Variants in TAFA5 observed in about 807,000 individuals in gnomAD.
TAFA5 encodes the protein chemokine-like protein TAFA-5.
Under a neutral mutation model 15.3 loss-of-function variants are expected in TAFA5, and 6 were observed. That is an observed-to-expected ratio of 0.39 (90% CI 0.21 to 0.77). The LOEUF is 0.77. Ranked by LOEUF, TAFA5 falls within the 30% of genes least tolerant of loss-of-function variation. TAFA5 has a pLI of 0.41. For synonymous variants in TAFA5, 103 were observed against 80.7 expected, an observed-to-expected ratio of 1.28 and a Z score of -1.48; for missense variants, 161 against 193.1, an observed-to-expected ratio of 0.83 and a Z score of 0.98.
intron 1 of TAFA5, among the ~76,000 whole-genome samples, chr22:48,563,016 G>T (rs1426814946): frequency 6.6e-6 from 1 of 152,212 alleles, no homozygotes; most frequent in Non-Finnish European, 1.5e-5. Context: ...CACCAGAGCT[G>T]GGCTGGACCG....
intron 3 of TAFA5, among the ~76,000 whole-genome samples, chr22:48,713,029 T>A (rs906934638): frequency 6.6e-6 from 1 of 152,258 alleles, no homozygotes; most frequent in African/African-American, 2.4e-5. Context: ...GTAGTGTTTA[T>A]GTATTGCAAG....
intron 1 of TAFA5, among the ~76,000 whole-genome samples, chr22:48,596,899 C>T (rs778432202): frequency 6.6e-6 from 1 of 152,226 alleles, no homozygotes; most frequent in Non-Finnish European, 1.5e-5. Flanking sequence ...GCCTTCACCT[C>T]CCAGCTCCAC....
rs530529153 is a variant in TAFA5 at position 48,588,760 on chromosome 22, C to T, written c.113-57837C>T. ...GCCCTTGGTTCAGGTGAGCACAGTG[C>T]CTTCGGGGATGCTCCTGGCAGAAGA... On this transcript the variant is annotated intron_variant, in intron 1 of 3. Transcript: ENST00000402357. 7.2e-4 allele frequency among the ~76,000 whole-genome samples: 109 copies of T among 152,216 alleles called. No homozygotes were observed. The Middle Eastern group carries it at 0.027, about 38-fold the overall frequency.
At chr22:48,694,279 GC>G (rs1439410662) in intron 2 of TAFA5, among the ~76,000 whole-genome samples, 1 of 152,198 alleles carries the variant, frequency 6.6e-6, no homozygotes, top group Non-Finnish European at 1.5e-5. Context: ...CTGTCCAAGG[GC>G]CCCAACGCTC....
intron 1 of TAFA5, among the ~76,000 whole-genome samples, chr22:48,516,395 C>T (rs948763484): frequency 3.9e-5 from 6 of 152,016 alleles, no homozygotes; most frequent in African/African-American, 1.2e-4. Context: ...ACCTCGGGGC[C>T]GCGTGGTTTT....
intron 1 of TAFA5, among the ~76,000 whole-genome samples, chr22:48,497,150 A>G (rs1928357185): frequency 6.6e-6 from 1 of 152,166 alleles, no homozygotes; most frequent in Admixed American, 6.5e-5. Flanking sequence ...CATCCATGGA[A>G]ATCAGCCCTG....
In TAFA5 at chr22:48,535,188, A is replaced by G. The variant is rs568290603; in HGVS notation, c.112+45484A>G. The stretch of plus-strand genomic sequence containing the variant: ...TCCAGGGGAGGTGGAACCTTTATAC[A>G]GGTTTTTATGCAAATGATCACCCCA... On this transcript the variant is annotated intron_variant, in intron 1 of 3. Coordinates refer to ENST00000402357, the MANE Select transcript of TAFA5 (RefSeq NM_001082967.3). 2.0e-5 allele frequency among the ~76,000 whole-genome samples: 3 copies of G among 152,150 alleles called. No individual in the cohort carries two copies. The East Asian group carries it at 5.8e-4, about 30-fold the overall frequency.
At chr22:48,664,370 C>T (rs1008894625) in intron 2 of TAFA5, among the ~76,000 whole-genome samples, 2 of 152,198 alleles carry the variant, frequency 1.3e-5, no homozygotes, top group Non-Finnish European at 2.9e-5. Context: ...GATCTTCCCT[C>T]ATCATCAGGC....
At chr22:48,588,028 T>A (rs1601598306) in intron 1 of TAFA5, among the ~76,000 whole-genome samples, 1 of 152,140 alleles carries the variant, frequency 6.6e-6, no homozygotes, top group Non-Finnish European at 1.5e-5. Flanking sequence ...ATCCTGCAGG[T>A]GCCAGGAGCC....
At chr22:48,610,240 G>A (rs1397686793) in intron 1 of TAFA5, among the ~76,000 whole-genome samples, 1 of 152,112 alleles carries the variant, frequency 6.6e-6, no homozygotes, top group East Asian at 1.9e-4. Context: ...GAGGGTACTG[G>A]AGGACAGGCC....
chr22:48,610,806 C>T (rs1925376558), intron 1 of TAFA5, among the ~76,000 whole-genome samples: 3 of 152,302 alleles, frequency 2.0e-5, no homozygotes, highest in South Asian at 4.1e-4. Context: ...GCCGAGCTGT[C>T]CCTGCTGCAG....
At chr22:48,586,426 G>A (rs34110151) in intron 1 of TAFA5, among the ~76,000 whole-genome samples, 46,232 of 152,156 alleles carry the variant, frequency 0.3, 7,558 homozygotes, top group Admixed American at 0.39. Context: ...GGGCTTCTGG[G>A]ACCCTCGGTC....
intron 2 of TAFA5, among the ~76,000 whole-genome samples, chr22:48,654,516 C>T (rs1172440063): frequency 6.6e-6 from 1 of 152,230 alleles, no homozygotes; most frequent in African/African-American, 2.4e-5. Context: ...GATTCGGGGA[C>T]AGAGAGCTGC....
intron 2 of TAFA5, among the ~76,000 whole-genome samples, chr22:48,677,594 G>C (rs1400912313): frequency 6.6e-6 from 1 of 152,150 alleles, no homozygotes; most frequent in Non-Finnish European, 1.5e-5. Context: ...CTCCCTCCTG[G>C]GCCCATCTGC....
At chr22:48,665,873 C>T (rs760376995) in intron 2 of TAFA5, among the ~76,000 whole-genome samples, 4 of 152,082 alleles carry the variant, frequency 2.6e-5, no homozygotes, top group East Asian at 3.9e-4. Flanking sequence ...TTCCCTGGGC[C>T]GCCTGCTTGA....
At chr22:48,671,261 G>A (rs191583095) in intron 2 of TAFA5, among the ~76,000 whole-genome samples, 18 of 152,336 alleles carry the variant, frequency 1.2e-4, no homozygotes, top group Admixed American at 2.0e-4. Context: ...GGTCTGAGCC[G>A]TGAGTCCTCC....
intron 1 of TAFA5, chr22:48,576,439 G>T (rs1273790411): frequency 1.5e-6 from 2 of 1,351,472 alleles, no homozygotes; most frequent in Admixed American, 2.8e-5. Flanking sequence ...CTGGACCTTC[G>T]CTGCGCGACT....
At chr22:48,723,365 A>G (rs566049141) in intron 3 of TAFA5, among the ~76,000 whole-genome samples, 1 of 152,178 alleles carries the variant, frequency 6.6e-6, no homozygotes, top group African/African-American at 2.4e-5. Flanking sequence ...GTTAAACCCA[A>G]GATATGGCGG....
At chr22:48,650,091 A>G (rs901909740) in intron 2 of TAFA5, among the ~76,000 whole-genome samples, 10 of 152,036 alleles carry the variant, frequency 6.6e-5, no homozygotes, top group Non-Finnish European at 8.8e-5. Context: ...TTGCTTTTCT[A>G]TTTTCTTGCT....
Sources: gnomAD v4.1 joint callset for allele counts (sites outside exome capture counted in the v4.1 genomes callset) on GRCh38, gnomAD v4.1.1 for gene constraint, MANE v1.5 for transcripts, NCBI Gene and HGNC (gene_info 2026-07-23, HGNC 2026-07-21) for gene names.